SRCAP: variants seen among roughly 807,000 people sequenced by gnomAD.
The protein encoded by SRCAP is Snf2 related CREBBP activator protein.
Under a neutral mutation model 263.1 loss-of-function variants are expected in SRCAP, and 46 were observed. That is an observed-to-expected ratio of 0.17 (90% confidence interval 0.14 to 0.22). SRCAP has a LOEUF of 0.22. Ranked by LOEUF, SRCAP falls within the 10% of genes least tolerant of loss-of-function variation. The pLI is 1.00. For missense variants in SRCAP, 3,695 were observed against 4,181.9 expected (o/e 0.88, Z 3.21); for synonymous variants, 1,813 against 1,662.1 (o/e 1.09, Z -2.21).
In SRCAP at chr16:30,729,164, G is replaced by A. The variant is rs773586706; in HGVS notation, c.5857G>A (p.Glu1953Lys). Reference protein sequence around the residue: ...PSHPTFWTYTEAAHRAVLFPQ... With the variant: ...PSHPTFWTYTKAAHRAVLFPQ... ...CCACCCCACCTTTTGGACTTATACC[G>A]AGGCTGCCCACCGGGCTGTACTGTT... The change falls in exon 26 of 34, where the codon GAG becomes AAG. Residue 1953 changes from glutamate to lysine, a missense_variant. By Grantham distance (56) the Glu-to-Lys change is moderately conservative (BLOSUM62 1). Transcript: ENST00000262518. The A allele has an allele frequency of 1.2e-5, 20 of 1,613,826 alleles. No individual in the cohort carries two copies. The highest frequency in any genetic ancestry group is 2.2e-5 in the East Asian group (1 of 44,890).
Position 30,723,911 on chromosome 16 carries a change from C to T in SRCAP, c.4487C>T (p.Ser1496Phe). Residue 1496 changes from serine to phenylalanine, a missense_variant, in exon 25 of 34, where the codon TCT becomes TTT. By Grantham distance (155) the Ser-to-Phe change is radical (BLOSUM62 -2). Around this residue, in one of 12 missense-constraint regions of SRCAP, gnomAD observed 1,347 missense variants for 1,304.4 expected, o/e 1.03. Coordinates refer to ENST00000262518, the MANE Select transcript of SRCAP (RefSeq NM_006662.3). ...AAPGPPSLAP[S>F]GASPSASALT... Reference sequence around the variant, plus strand: ...CCTGGACCTCCCTCCTTGGCACCATCTGGTGCTTCCCCGTCAGCATCAGCC... The same window carrying T: ...CCTGGACCTCCCTCCTTGGCACCATTTGGTGCTTCCCCGTCAGCATCAGCC... 6.2e-7 allele frequency: 1 copy of T among 1,614,174 alleles called. No homozygotes were observed. The highest frequency in any genetic ancestry group is 8.5e-7 in the Non-Finnish European group (1 of 1,180,036).
intron 3 of SRCAP, among the ~76,000 whole-genome samples, chr16:30,702,834 G>C (rs2052783435): frequency 6.6e-6 from 1 of 151,494 alleles, no homozygotes; most frequent in African/African-American, 2.4e-5. Context: ...TGGAACTCCT[G>C]ACCATGTGAT....
intron 5 of SRCAP, 63 bp from the exon 6 acceptor site, chr16:30,707,509 C>T: frequency 1.9e-6 from 3 of 1,606,202 alleles, no homozygotes; most frequent in Admixed American, 3.4e-5. Flanking sequence ...TGATTATTTT[C>T]TTTGCCTTTG....
rs779441463 is a variant in SRCAP, at chr16:30,716,050, C to T, written c.2494-16C>T. On this transcript the variant is annotated splice_polypyrimidine_tract_variant and intron_variant, in intron 16 of 33. Transcript: ENST00000262518. ...CTGAGTTCTCCTGTTTAGCCTCCAG[C>T]TTAATTTGCTTTTAGGTTTTGAGGC... 6.2e-6 allele frequency: 10 copies of T among 1,613,716 alleles called. No homozygotes were observed. The Admixed American group carries it at 1.3e-4, about 22-fold the overall frequency.
chr16:30,725,745 A>G (rs2053058231), intron 25 of SRCAP: 1 of 152,218 alleles, frequency 6.6e-6, no homozygotes, highest in African/African-American at 2.4e-5. Flanking sequence ...TGTGCTATAA[A>G]TCATATACCA....
At chr16:30,721,058 A>AG in intron 20 of SRCAP, 80 bp downstream of exon 20, 1 of 1,541,276 alleles carries the variant, frequency 6.5e-7, no homozygotes. Flanking sequence ...GTGAAATTAA[A>AG]GGGTTTGAGG....
Position 30,707,215 on chromosome 16 carries a change from G to A in SRCAP, c.339G>A (p.Leu113=). 6.2e-7 allele frequency: 1 copy of A among 1,614,190 alleles called. No homozygotes were observed. Among genetic ancestry groups the A allele is most frequent in the East Asian group, 2.2e-5 (1 of 44,886 alleles). Residue 113 remains leucine (L), a synonymous_variant, in exon 5 of 34, where the codon CTG becomes CTA. Coordinates refer to ENST00000262518, the MANE Select transcript of SRCAP (RefSeq NM_006662.3). ...AGATCGAGACTCGGATTGCTGAGCTGCGGAAGGAGGGTTTCTGGTCACTGA... is the reference window on the plus strand; with the variant it reads ...AGATCGAGACTCGGATTGCTGAGCTACGGAAGGAGGGTTTCTGGTCACTGA... ...EAEIETRIAE[L]RKEGFWSLKR...
chr16:30,739,915 C>G lies in SRCAP; in HGVS notation c.*182C>G, dbSNP rs546713293. 1.0e-6 allele frequency: 1 copy of G among 977,696 alleles called. No individual in the cohort carries two copies. Among genetic ancestry groups the G allele is most frequent in the East Asian group, 2.9e-5 (1 of 34,036 alleles). 60.6% of individuals were successfully genotyped at this position (977,696 alleles called of 1,614,324 possible). On this transcript the variant is annotated 3_prime_UTR_variant, in exon 34 of 34. Coordinates refer to ENST00000262518, the MANE Select transcript of SRCAP (RefSeq NM_006662.3). ...TGGTTGTCATGGAAATGGGGATCAT[C>G]ACAGTCCCCTTCCCCTTCACCCCAC... is the stretch of plus-strand genomic sequence containing the variant.
chr16:30,724,005 G>A lies in SRCAP; in HGVS notation c.4581G>A (p.Leu1527=). ...AGACACCTGGTCACCCTCTGTTGTT[G>A]GCTCCCACCTCTTCACATGTTCCAG... The part of the protein sequence containing the change: ...SSQTPGHPLL[L]APTSSHVPGL... Residue 1527 remains leucine, a synonymous_variant, in exon 25 of 34, where the codon TTG becomes TTA. Transcript: ENST00000262518. 6.2e-7 allele frequency: 1 copy of A among 1,613,996 alleles called. No homozygotes were observed. The highest frequency in any genetic ancestry group is 8.5e-7 in the Non-Finnish European group (1 of 1,179,992).
Position 30,739,910 on chromosome 16 carries a change from A to G in SRCAP, c.*177A>G. ...GCAACTGGTTGTCATGGAAATGGGG[A>G]TCATCACAGTCCCCTTCCCCTTCAC... On this transcript the variant is annotated 3_prime_UTR_variant, in exon 34 of 34. Coordinates refer to ENST00000262518, the MANE Select transcript of SRCAP (RefSeq NM_006662.3). 9.7e-7 allele frequency: 1 copy of G among 1,034,648 alleles called. No homozygotes were observed. The highest frequency in any genetic ancestry group is 1.3e-6 in the Non-Finnish European group (1 of 756,018). The allele number at this position is 1,034,648 out of a possible 1,614,324, so 64.1% of individuals were successfully genotyped here. A position where few individuals can be genotyped will look rare whatever the true frequency, so the allele number is the denominator to read the frequency against.
chr16:30,704,458 A>G, intron 4 of SRCAP, 143 bp downstream of exon 4: 2 of 971,898 alleles, frequency 2.1e-6, no homozygotes, highest in Non-Finnish European at 3.0e-6. Context: ...ATCGTGAGCA[A>G]ACTGCTTGAA....
chr16:30,722,854 G>A lies in SRCAP; in HGVS notation c.3892+106G>A, dbSNP rs936468619. ...TTCCCTCAGTGTTGTTTTCCCTTGC[G>A]AATATCTATGATACCTGTCTGCCAC... On this transcript the variant is annotated intron_variant, in intron 23 of 33. Transcript: ENST00000262518. 1.6e-5 allele frequency: 24 copies of A among 1,543,978 alleles called. 1 individual carries two copies. The highest frequency in any genetic ancestry group is 9.0e-5 in the East Asian group (4 of 44,214).
rs138111804 is a variant in SRCAP, at chr16:30,739,029, A to G, written c.8989A>G (p.Thr2997Ala). Reference protein sequence around the residue: ...ATVANTVTTVTISTSPPKRKR... With the variant: ...ATVANTVTTVAISTSPPKRKR... ...TGTTGCCAACACTGTCACCACTGTC[A>G]CCATTTCAACGTCCCCACCCAAACG... Residue 2997 changes from threonine (T) to alanine (A), a missense_variant, in exon 34 of 34, where the codon ACC (threonine) becomes GCC (alanine). Physicochemically the swap from Thr to Ala is moderately conservative, Grantham distance 58. Transcript: ENST00000262518. 2.9e-5 allele frequency: 47 copies of G among 1,613,950 alleles called. No homozygotes were observed. The highest frequency in any genetic ancestry group is 3.5e-5 in the Non-Finnish European group (41 of 1,180,018).
At chr16:30,734,064 T>C in intron 30 of SRCAP, 56 bp downstream of exon 30, 1 of 1,425,914 alleles carries the variant, frequency 7.0e-7, no homozygotes. Context: ...CCTTCAGGAG[T>C]TCCTCCTGTT....
Position 30,712,058 on chromosome 16 carries a change from T to A in SRCAP, c.1716T>A (p.Thr572=), listed in dbSNP as rs1269005903. 1.2e-6 allele frequency: 2 copies of A among 1,614,034 alleles called. No homozygotes were observed. Among genetic ancestry groups the A allele is most frequent in the Non-Finnish European group, 1.7e-6 (2 of 1,180,014 alleles). ...CAGATGCAGGCAGTGGGCCTCCTAC[T>A]CCAGGGCCCACTACTCTAGGTCCAA... ...SEADAGSGPP[T]PGPTTLGPKK... The change falls in exon 12 of 34, where the codon ACT becomes ACA. Residue 572 remains threonine (T), a synonymous_variant. Transcript: ENST00000262518.
intron 5 of SRCAP, 76 bp from the exon 6 acceptor site, chr16:30,707,496 C>T: frequency 8.7e-6 from 14 of 1,605,414 alleles, no homozygotes; most frequent in Non-Finnish European, 1.2e-5. Context: ...GATTTCTTGG[C>T]CTTGATTATT....
In SRCAP at chr16:30,724,553, C is replaced by G; in HGVS notation, c.5129C>G (p.Pro1710Arg). 6.2e-7 allele frequency: 1 copy of G among 1,614,180 alleles called. No individual in the cohort carries two copies. The highest frequency in any genetic ancestry group is 1.1e-5 in the South Asian group (1 of 91,088). The change falls in exon 25 of 34, where the codon CCC (proline) becomes CGC (arginine). Residue 1710 changes from proline to arginine, a missense_variant. Coordinates refer to ENST00000262518, the MANE Select transcript of SRCAP (RefSeq NM_006662.3). ...LSLGTGNPQG[P>R]FPTQTLSLTP... ...TTGGGAACGGGGAACCCCCAGGGACCCTTTCCAACTCAGACATTGTCATTA... is the reference window on the plus strand; with the variant it reads ...TTGGGAACGGGGAACCCCCAGGGACGCTTTCCAACTCAGACATTGTCATTA...
chr16:30,725,027 G>C lies in SRCAP; in HGVS notation c.5603G>C (p.Gly1868Ala). 6.2e-7 allele frequency: 1 copy of C among 1,613,856 alleles called. No homozygotes were observed. Among genetic ancestry groups the C allele is most frequent in the Non-Finnish European group, 8.5e-7 (1 of 1,179,902 alleles). ...CCTCCCTCCACTGCTACCTCGTTTG[G>C]TGGCCCCCGGCCTCGACGCCAGCCC... is the stretch of plus-strand genomic sequence containing the variant. ...PSPPSTATSF[G>A]GPRPRRQPPP... The change falls in exon 25 of 34, where the codon GGT (glycine) becomes GCT (alanine). Residue 1868 changes from glycine (G) to alanine (A), a missense_variant. Gly to Ala is a moderately conservative substitution (Grantham distance 60, BLOSUM62 0). Coordinates refer to ENST00000262518, the MANE Select transcript of SRCAP (RefSeq NM_006662.3).
rs2151300153 is a variant in SRCAP at position 30,737,451 on chromosome 16, C to T, written c.7411C>T (p.Pro2471Ser). The change falls in exon 34 of 34, where the codon CCA becomes TCA. Residue 2471 changes from proline (P) to serine (S), a missense_variant. Physicochemically the swap from Pro to Ser is moderately conservative, Grantham distance 74 (BLOSUM62 -1). Coordinates refer to ENST00000262518, the MANE Select transcript of SRCAP (RefSeq NM_006662.3). ...TTCTGCCCCAGTACCCATTTCAGCC[C>T]CAAATCCAATAACCATTCTCCCTGT... ...PVSAPVPISA[P>S]NPITILPVHI... is the part of the protein sequence containing the mutation. 6.3e-7 allele frequency: 1 copy of T among 1,592,816 alleles called. No homozygotes were observed.
Sources: allele counts gnomAD v4.1 joint callset (sites outside exome capture counted in the v4.1 genomes callset), GRCh38; gene constraint gnomAD v4.1.1; regional missense constraint gnomAD v4.1.1; transcripts MANE v1.5; gene names NCBI Gene and HGNC (gene_info 2026-07-23, HGNC 2026-07-21).